TEAD3: variants seen among roughly 807,000 people sequenced by gnomAD.
TEAD3 encodes the protein TEA domain transcription factor 3, also known as transcriptional enhancer factor TEF-5.
Under a neutral mutation model 55.6 loss-of-function variants are expected in TEAD3, and 15 were observed. That is an observed-to-expected ratio of 0.27 (90% CI 0.18 to 0.42). TEAD3 has a LOEUF of 0.42. Ranked by LOEUF, TEAD3 falls within the 10% of genes least tolerant of loss-of-function variation. The pLI is 1.00. For missense variants in TEAD3, 407 were observed against 576.8 expected, an observed-to-expected ratio of 0.71 and a Z score of 3.01; for synonymous variants, 210 against 232.2, an observed-to-expected ratio of 0.90 and a Z score of 0.87.
chr6:35,495,287 A>C (rs543124748), intron 1 of TEAD3, among the ~76,000 whole-genome samples: 3 of 152,326 alleles, frequency 2.0e-5, no homozygotes, highest in Non-Finnish European at 4.4e-5. Context: ...TTGGGTGAGG[A>C]TGGGAGCAGG....
intron 1 of TEAD3, among the ~76,000 whole-genome samples, chr6:35,494,847 A>C (rs1768605885): frequency 7.0e-6 from 1 of 142,298 alleles, no homozygotes; most frequent in African/African-American, 2.6e-5. Flanking sequence ...CCAATCCACC[A>C]AGCCCCCCTG....
chr6:35,488,718 A>G lies in TEAD3; in HGVS notation c.-49-2007T>C, dbSNP rs1417135830. Among the ~76,000 whole-genome samples, 1 of 151,852 alleles carries G rather than the reference A, an allele frequency of 6.6e-6. No homozygotes were observed. The highest frequency in any genetic ancestry group is 1.5e-5 in the Non-Finnish European group (1 of 67,970). ...TTCGGTTATTTTTTTTCTTTTTTAA[A>G]TTTTTTATTTGTTTTTTATTTTTTA... On this transcript the variant is annotated intron_variant, in intron 1 of 12. Coordinates refer to ENST00000639578, the Ensembl canonical transcript of TEAD3. This position sits in a 1 kb window ranked among gnomAD's most constrained non-coding sequence, Gnocchi z 4.2.
rs1293045192 is a variant in TEAD3, at chr6:35,496,701, C to T, written c.-50+197G>A. Reference sequence around the variant, plus strand: ...CCCCGTCGCGGGGGGGTGGGGAGGGCGGGGGGCGGGGCTTCCCGGAGAGAT... The same window carrying T: ...CCCCGTCGCGGGGGGGTGGGGAGGGTGGGGGGCGGGGCTTCCCGGAGAGAT... On this transcript the variant is annotated intron_variant, in intron 1 of 12. Transcript: ENST00000639578. The surrounding 1 kb of genome is among the most constrained non-coding windows in gnomAD (Gnocchi z 4.8). Among the ~76,000 whole-genome samples the T allele has an allele frequency of 6.6e-6, 1 of 151,878 alleles. No homozygotes were observed. Among genetic ancestry groups the T allele is most frequent in the Non-Finnish European group, 1.5e-5 (1 of 67,912 alleles).
chr6:35,490,269 G>A (rs894558860), intron 1 of TEAD3, among the ~76,000 whole-genome samples: 2 of 152,336 alleles, frequency 1.3e-5, no homozygotes, highest in Admixed American at 6.5e-5. Flanking sequence ...CACAGCAGCA[G>A]GCTTGGGAGC....
chr6:35,480,445 G>T, intron 3 of TEAD3, 71 bp from the exon 4 acceptor site: 1 of 1,548,498 alleles, frequency 6.5e-7, no homozygotes, highest in Non-Finnish European at 8.9e-7. Context: ...TGGGGTGGCC[G>T]CGGGCAAGGA....
Position 35,475,744 on chromosome 6 carries a change from G to T in TEAD3, c.901-38C>A. On this transcript the variant is annotated intron_variant, in intron 10 of 12. Transcript: ENST00000639578. The surrounding 1 kb of genome is among the most constrained non-coding windows in gnomAD (Gnocchi z 5.4). ...GTGGGGGGTGTTAGGTGCTGGCAGA[G>T]ACCAGAAGTATTCCCGCCACACCAC... 6.5e-7 allele frequency: 1 copy of T among 1,534,612 alleles called. No homozygotes were observed. The highest frequency in any genetic ancestry group is 1.3e-5 in the South Asian group (1 of 77,878).
chr6:35,475,719 G>A lies in TEAD3; in HGVS notation c.901-13C>T, dbSNP rs770733961. 13 of 1,572,282 alleles carry A rather than the reference G, an allele frequency of 8.3e-6. No homozygotes were observed. The highest frequency in any genetic ancestry group is 5.2e-6 in the Non-Finnish European group (6 of 1,158,468). Reference sequence around the variant, plus strand: ...TGTTGAGGTCGGCCTGGGCATGGGGGTGGGGGGTGTTAGGTGCTGGCAGAG... The same window carrying A: ...TGTTGAGGTCGGCCTGGGCATGGGGATGGGGGGTGTTAGGTGCTGGCAGAG... On this transcript the variant is annotated splice_polypyrimidine_tract_variant and intron_variant, in intron 10 of 12. Coordinates refer to ENST00000639578, the Ensembl canonical transcript of TEAD3. The surrounding 1 kb of genome is among the most constrained non-coding windows in gnomAD (Gnocchi z 5.4).
In TEAD3 at chr6:35,484,768, C is replaced by G; in HGVS notation, c.203-144G>C. 1.4e-6 allele frequency: 1 copy of G among 732,016 alleles called. No homozygotes were observed. Among genetic ancestry groups the G allele is most frequent in the Non-Finnish European group, 2.3e-6 (1 of 430,090 alleles). The allele number at this position is 732,016 out of a possible 1,614,324, so 45.3% of individuals were successfully genotyped here. On this transcript the variant is annotated intron_variant, in intron 2 of 12. Transcript: ENST00000639578. The surrounding 1 kb of genome is among the most constrained non-coding windows in gnomAD (Gnocchi z 5.8). The stretch of plus-strand genomic sequence containing the variant: ...CTCACTCTCTTCACCCCAAGCTGCA[C>G]ATGCAGGGCATGCAAAGGTGGCTGG...
chr6:35,476,033 G>A (rs1449912091), exon 10 of TEAD3: 1 of 1,557,038 alleles, frequency 6.4e-7, no homozygotes, highest in Non-Finnish European at 8.7e-7. Flanking sequence ...CTGCCTCCAG[G>A]GGTGGGTCTG....
In TEAD3 at chr6:35,496,578, G is replaced by A. The variant is rs938081711; in HGVS notation, c.-50+320C>T. ...AGGCCCTCCACACTGTGCGGCCCCC[G>A]GATCCCCGCCCCGACCCCCCAAGCA... On this transcript the variant is annotated intron_variant, in intron 1 of 12. Transcript: ENST00000639578. This position sits in a 1 kb window ranked among gnomAD's most constrained non-coding sequence, Gnocchi z 4.8. Among the ~76,000 whole-genome samples, 25 of 152,132 alleles carry A rather than the reference G, an allele frequency of 1.6e-4. No homozygotes were observed. The highest frequency in any genetic ancestry group is 1.6e-4 in the Non-Finnish European group (11 of 67,976).
chr6:35,496,333 G>A lies in TEAD3; in HGVS notation c.-50+565C>T, dbSNP rs547740279. 2.3e-4 allele frequency among the ~76,000 whole-genome samples: 35 copies of A among 152,290 alleles called. 1 individual carries two copies. In the South Asian group the frequency reaches 3.5e-3, roughly 15 times the overall value. On this transcript the variant is annotated intron_variant, in intron 1 of 12. Coordinates refer to ENST00000639578, the Ensembl canonical transcript of TEAD3. The surrounding 1 kb of genome is among the most constrained non-coding windows in gnomAD (Gnocchi z 4.8). ...GTGAGCCCCTCCCTGCCTCTCAGGG[G>A]ACACACGGCCGGGGCGCGCGGCTTT...
rs1768353528 is a variant in TEAD3, at chr6:35,485,383, C to T, written c.203-759G>A. 6.6e-6 allele frequency among the ~76,000 whole-genome samples: 1 copy of T among 152,114 alleles called. No individual in the cohort carries two copies. The highest frequency in any genetic ancestry group is 2.4e-5 in the African/African-American group (1 of 41,398). Reference sequence around the variant, plus strand: ...TGAGGGCCCAAAAGCTGCCAGTGTCCAGGGACTTGGGCCTGAAAGGGGGAT... The same window carrying T: ...TGAGGGCCCAAAAGCTGCCAGTGTCTAGGGACTTGGGCCTGAAAGGGGGAT... On this transcript the variant is annotated intron_variant, in intron 2 of 12. Coordinates refer to ENST00000639578, the Ensembl canonical transcript of TEAD3. The surrounding 1 kb of genome is among the most constrained non-coding windows in gnomAD (Gnocchi z 4.3).
Position 35,486,933 on chromosome 6 carries a change from T to C in TEAD3, c.-49-222A>G, listed in dbSNP as rs957096046. ...ACTTCACCTCTCTAGGCCTCAGTCCTGTAAAACGAGAAAAGGGTCTCCTTG... is the reference window on the plus strand; with the variant it reads ...ACTTCACCTCTCTAGGCCTCAGTCCCGTAAAACGAGAAAAGGGTCTCCTTG... On this transcript the variant is annotated intron_variant, in intron 1 of 12. Transcript: ENST00000639578. This position sits in a 1 kb window ranked among gnomAD's most constrained non-coding sequence, Gnocchi z 7.3. 6.6e-6 allele frequency among the ~76,000 whole-genome samples: 1 copy of C among 152,190 alleles called. No homozygotes were observed. The highest frequency in any genetic ancestry group is 2.4e-5 in the African/African-American group (1 of 41,456).
Position 35,486,304 on chromosome 6 carries a change from G to A in TEAD3, c.202+157C>T, listed in dbSNP as rs181555815. Among the ~76,000 whole-genome samples the A allele has an allele frequency of 5.8e-4, 88 of 152,330 alleles. No individual in the cohort carries two copies. The highest frequency in any genetic ancestry group is 8.4e-4 in the Non-Finnish European group (57 of 68,040). On this transcript the variant is annotated intron_variant, in intron 2 of 12. Coordinates refer to ENST00000639578, the Ensembl canonical transcript of TEAD3. This position sits in a 1 kb window ranked among gnomAD's most constrained non-coding sequence, Gnocchi z 7.3. ...TAGGGGGCGAGCCCGGCTTGTTTATGAGGAGGAGCGCGGAGGAGGATCCAG... is the reference window on the plus strand; with the variant it reads ...TAGGGGGCGAGCCCGGCTTGTTTATAAGGAGGAGCGCGGAGGAGGATCCAG...
chr6:35,487,607 T>G (rs961627750), intron 1 of TEAD3, among the ~76,000 whole-genome samples: 1 of 144,094 alleles, frequency 6.9e-6, no homozygotes, highest in African/African-American at 2.6e-5. Context: ...CCTGCAATCC[T>G]AGCTACTCAG....
At position 35,475,124 on chromosome 6, in the gene TEAD3, G is replaced by T; in HGVS notation, c.1228C>A (p.Leu410Ile). ...ACTTCGAAGACAAAAGCAATGACAA[G>T]CAGGGTCTCCTGGGAGTCCCGGCTC... The change falls in exon 13 of 13, where the codon CTT becomes ATT. Residue 410 changes from leucine (L) to isoleucine (I), a missense_variant. Transcript: ENST00000639578. The surrounding 1 kb of genome is among the most constrained non-coding windows in gnomAD (Gnocchi z 5.4). The T allele has an allele frequency of 6.3e-7, 1 of 1,591,246 alleles. No homozygotes were observed. Among genetic ancestry groups the T allele is most frequent in the Non-Finnish European group, 8.6e-7 (1 of 1,168,490 alleles).
intron 4 of TEAD3, among the ~76,000 whole-genome samples, chr6:35,479,554 G>C (rs185378224): frequency 6.6e-6 from 1 of 152,224 alleles, no homozygotes; most frequent in Non-Finnish European, 1.5e-5. Flanking sequence ...CTGTCCATAT[G>C]TTCTGGAACT....
exon 10 of TEAD3, chr6:35,476,062 G>C: frequency 1.9e-6 from 3 of 1,539,660 alleles, no homozygotes; most frequent in Non-Finnish European, 2.6e-6. Context: ...GGGTTCGTCT[G>C]GCCGATGTGC....
chr6:35,478,171 T>C, intron 7 of TEAD3, 104 bp downstream of exon 7: 2 of 1,422,660 alleles, frequency 1.4e-6, no homozygotes, highest in Non-Finnish European at 1.9e-6. Flanking sequence ...CCTCTATTTT[T>C]GAATTAAAAC....
Sources: allele counts gnomAD v4.1 joint callset (sites outside exome capture counted in the v4.1 genomes callset), GRCh38; gene constraint gnomAD v4.1.1; non-coding constraint Gnocchi (gnomAD v3.1); transcripts MANE v1.5; gene names NCBI Gene and HGNC (gene_info 2026-07-23, HGNC 2026-07-21).